Variants in APBA1 observed in about 807,000 individuals in gnomAD.
APBA1 encodes amyloid-beta A4 precursor protein-binding family A member 1.
Under a neutral mutation model 86.6 loss-of-function variants are expected in APBA1, and 55 were observed. That is an observed-to-expected ratio of 0.64 (90% CI 0.51 to 0.80). The LOEUF is 0.80. Ranked by LOEUF, APBA1 falls within the 30% of genes least tolerant of loss-of-function variation. The pLI, the probability that APBA1 is intolerant of heterozygous loss-of-function variation, is 0.00. For missense variants in APBA1, 1,090 were observed against 1,183.0 expected (o/e 0.92, Z 1.15); for synonymous variants, 511 against 493.9 (o/e 1.03, Z -0.46).
chr9:69,538,793 AGGTTATTAACCCTTCT>A (rs1836553143), intron 1 of APBA1, among the ~76,000 whole-genome samples: 1 of 152,222 alleles, frequency 6.6e-6, no homozygotes, highest in Non-Finnish European at 1.5e-5. Context: ...TTTATCAGCA[AGGTTATTAACCCTTCT>A]GGACTGTCCC....
At chr9:69,596,280 C>A (rs375850758) in intron 1 of APBA1, among the ~76,000 whole-genome samples, 31 of 152,278 alleles carry the variant, frequency 2.0e-4, no homozygotes, top group African/African-American at 6.5e-4. Flanking sequence ...AGCCACTGTG[C>A]CTGGCACTTT....
At chr9:69,587,574 T>C (rs1382026879) in intron 1 of APBA1, among the ~76,000 whole-genome samples, 1 of 152,094 alleles carries the variant, frequency 6.6e-6, no homozygotes, top group Non-Finnish European at 1.5e-5. Flanking sequence ...GTAGGTTCGG[T>C]ATATGAGACT....
In APBA1 at chr9:69,512,304, G is replaced by T. The variant is rs527352434; in HGVS notation, c.1200+3707C>A. Reference sequence around the variant, plus strand: ...GTGTTCAGTAAACTCTTATGGATTAGCAATCCCATTTTCTCTCTATATACA... The same window carrying T: ...GTGTTCAGTAAACTCTTATGGATTATCAATCCCATTTTCTCTCTATATACA... On this transcript the variant is annotated intron_variant, in intron 2 of 12. Transcript: ENST00000265381. Among the ~76,000 whole-genome samples the T allele has an allele frequency of 9.7e-4, 147 of 152,106 alleles. 1 individual carries two copies. The highest frequency in any genetic ancestry group is 3.3e-3 in the African/African-American group (138 of 41,492).
intron 1 of APBA1, among the ~76,000 whole-genome samples, chr9:69,542,487 T>C (rs1351585043): frequency 6.6e-6 from 1 of 152,224 alleles, no homozygotes; most frequent in Non-Finnish European, 1.5e-5. Context: ...AATATTTCAT[T>C]GTATGGATGC....
chr9:69,523,717 C>T lies in APBA1; in HGVS notation c.-69-6438G>A, dbSNP rs114354965. Among the ~76,000 whole-genome samples, 466 of 151,446 alleles carry T rather than the reference C, an allele frequency of 3.1e-3. 4 individuals carry two copies. The highest frequency in any genetic ancestry group is 0.011 in the African/African-American group (446 of 41,260). On this transcript the variant is annotated intron_variant, in intron 1 of 12. Transcript: ENST00000265381. ...TCTGGACTTAAATTCTACATTTGACCAATTGGACCTAAAAGACATCTACGG... is the reference window on the plus strand; with the variant it reads ...TCTGGACTTAAATTCTACATTTGACTAATTGGACCTAAAAGACATCTACGG...
chr9:69,576,253 G>T, intron 1 of APBA1, among the ~76,000 whole-genome samples: 1 of 152,316 alleles, frequency 6.6e-6, no homozygotes, highest in Middle Eastern at 3.4e-3. Context: ...CTTTTACACT[G>T]TTGGTGGGAC....
intron 1 of APBA1, among the ~76,000 whole-genome samples, chr9:69,627,047 C>T (rs966256018): frequency 1.3e-5 from 2 of 152,080 alleles, no homozygotes. Flanking sequence ...CAATGCTGAC[C>T]TACTCTTTAT....
intron 1 of APBA1, among the ~76,000 whole-genome samples, chr9:69,650,066 G>C (rs12340577): frequency 1.1e-3 from 174 of 152,324 alleles, no homozygotes; most frequent in African/African-American, 4.0e-3. Flanking sequence ...AGGAAGATGA[G>C]AGACAGAGTT....
chr9:69,446,856 G>A (rs559375616), intron 10 of APBA1, among the ~76,000 whole-genome samples: 1 of 152,326 alleles, frequency 6.6e-6, no homozygotes, highest in East Asian at 1.9e-4. Context: ...AAGGGCCTCA[G>A]GAAGCGCGGC....
intron 1 of APBA1, among the ~76,000 whole-genome samples, chr9:69,553,831 T>C (rs1003925819): frequency 6.6e-6 from 1 of 152,218 alleles, no homozygotes; most frequent in Non-Finnish European, 1.5e-5. Flanking sequence ...AGTATCTGAA[T>C]CAAAATGATT....
intron 2 of APBA1, among the ~76,000 whole-genome samples, chr9:69,502,099 G>C (rs1835888076): frequency 6.6e-6 from 1 of 152,102 alleles, no homozygotes; most frequent in South Asian, 2.1e-4. Context: ...CTTGGGAGAG[G>C]GGTCAGGCAA....
intron 1 of APBA1, among the ~76,000 whole-genome samples, chr9:69,600,056 A>C (rs1040480259): frequency 2.0e-5 from 3 of 152,078 alleles, no homozygotes; most frequent in African/African-American, 4.8e-5. Flanking sequence ...GTCTAAGGGG[A>C]GCAGCTGCTA....
chr9:69,523,497 GTATATATATATATATATATATATA>G (rs869242999), intron 1 of APBA1, among the ~76,000 whole-genome samples: 1 of 30,884 alleles, frequency 3.2e-5, no homozygotes, highest in Non-Finnish European at 6.7e-5. Flanking sequence ...ATATATATAT[GTATATATATATATATATATATATA>G]TATATATATA....
intron 1 of APBA1, among the ~76,000 whole-genome samples, chr9:69,611,285 G>GAAAA (rs56357426): frequency 1.3e-4 from 14 of 111,904 alleles, no homozygotes; most frequent in African/African-American, 4.0e-4. Context: ...ACCAGAAAAG[G>GAAAA]AAAAAAAAAA....
At chr9:69,524,714 A>C (rs896855264) in intron 1 of APBA1, among the ~76,000 whole-genome samples, 5 of 151,858 alleles carry the variant, frequency 3.3e-5, no homozygotes, top group Non-Finnish European at 7.4e-5. Flanking sequence ...TGGAGAAGGG[A>C]CTCCCTAACT....
chr9:69,468,686 T>C (rs1835319249), intron 4 of APBA1, among the ~76,000 whole-genome samples: 1 of 152,260 alleles, frequency 6.6e-6, no homozygotes, highest in African/African-American at 2.4e-5. Flanking sequence ...TGTTCTATTT[T>C]ACCAGCCTTT....
intron 1 of APBA1, among the ~76,000 whole-genome samples, chr9:69,612,593 T>C (rs1052689767): frequency 6.6e-6 from 1 of 152,154 alleles, no homozygotes; most frequent in East Asian, 1.9e-4. Context: ...CTTTAAAATA[T>C]TGATGAGGTG....
At chr9:69,436,780 C>CTAAT in intron 11 of APBA1, among the ~76,000 whole-genome samples, 1 of 152,186 alleles carries the variant, frequency 6.6e-6, no homozygotes, top group East Asian at 1.9e-4. Flanking sequence ...CTTCTCCTGC[C>CTAAT]TAATTGCCCT....
chr9:69,486,048 T>C (rs562931207), intron 2 of APBA1, among the ~76,000 whole-genome samples: 63 of 151,918 alleles, frequency 4.1e-4, no homozygotes, highest in African/African-American at 1.5e-3. Flanking sequence ...GCCTCCTGGG[T>C]TCAAGTGATT....
Sources: gnomAD v4.1 joint callset for allele counts (sites outside exome capture counted in the v4.1 genomes callset) on GRCh38, gnomAD v4.1.1 for gene constraint, MANE v1.5 for transcripts, NCBI Gene and HGNC (gene_info 2026-07-23, HGNC 2026-07-21) for gene names.